The following GPC5 variants were observed in gnomAD, a reference collection of about 807,000 sequenced individuals.
The protein encoded by GPC5 is glypican-5.
Under a neutral mutation model 53.9 loss-of-function variants are expected in GPC5, and 47 were observed. That is an observed-to-expected ratio of 0.87 (90% confidence interval 0.69 to 1.11). GPC5 has a LOEUF of 1.11. Among genes scored for constraint, GPC5 ranks in the 50% most tolerant of loss-of-function variants. GPC5 has a pLI of 0.00. For missense variants in GPC5, 748 were observed against 713.1 expected, an observed-to-expected ratio of 1.05 and a Z score of -0.56; for synonymous variants, 286 against 263.3, an observed-to-expected ratio of 1.09 and a Z score of -0.84.
chr13:92,530,570 G>C (rs1396582803), intron 7 of GPC5, among the ~76,000 whole-genome samples: 2 of 152,112 alleles, frequency 1.3e-5, no homozygotes, highest in African/African-American at 2.4e-5. Flanking sequence ...CTTCAGACAA[G>C]TACACAGAAG....
chr13:92,124,623 A>G (rs1390273365), intron 6 of GPC5, among the ~76,000 whole-genome samples: 1 of 152,216 alleles, frequency 6.6e-6, no homozygotes, highest in African/African-American at 2.4e-5. Context: ...TGTGTTCTGC[A>G]GAGTCAGACT....
chr13:91,982,046 A>G (rs2040364630), intron 6 of GPC5, among the ~76,000 whole-genome samples: 1 of 152,194 alleles, frequency 6.6e-6, no homozygotes, highest in Admixed American at 6.5e-5. Context: ...AGTAGTAGAT[A>G]CGTAATCCAA....
At chr13:91,770,627 G>A (rs1435743028) in intron 5 of GPC5, among the ~76,000 whole-genome samples, 2 of 151,860 alleles carry the variant, frequency 1.3e-5, no homozygotes, top group East Asian at 1.9e-4. Context: ...TGGGGTCAAG[G>A]ACCAAATATT....
At chr13:91,774,451 G>A (rs1247121567) in intron 5 of GPC5, among the ~76,000 whole-genome samples, 2 of 152,146 alleles carry the variant, frequency 1.3e-5, no homozygotes, top group African/African-American at 4.8e-5. Context: ...AATTTCTGCT[G>A]CCTTGGAGAT....
At chr13:92,212,246 C>T (rs2042380649) in intron 7 of GPC5, among the ~76,000 whole-genome samples, 1 of 152,052 alleles carries the variant, frequency 6.6e-6, no homozygotes, top group Non-Finnish European at 1.5e-5. Context: ...TCTAGCTATG[C>T]AAACTGAGAC....
At chr13:91,461,959 A>G (rs752485349) in intron 2 of GPC5, among the ~76,000 whole-genome samples, 1 of 152,140 alleles carries the variant, frequency 6.6e-6, no homozygotes, top group Non-Finnish European at 1.5e-5. Flanking sequence ...CAATTATTTG[A>G]TGAACAATAA....
chr13:91,426,022 T>C (rs183180939), intron 1 of GPC5, among the ~76,000 whole-genome samples: 362 of 152,268 alleles, frequency 2.4e-3, no homozygotes, highest in Non-Finnish European at 4.1e-3. Flanking sequence ...TCTGTGGAAC[T>C]TTGAACTTGA....
chr13:92,342,743 C>A (rs937516315), intron 7 of GPC5, among the ~76,000 whole-genome samples: 1 of 151,946 alleles, frequency 6.6e-6, no homozygotes, highest in Non-Finnish European at 1.5e-5. Context: ...TAATTCCATC[C>A]TCTGGATTAA....
At chr13:92,589,563 G>A (rs1439322874) in intron 7 of GPC5, among the ~76,000 whole-genome samples, 6 of 152,124 alleles carry the variant, frequency 3.9e-5, no homozygotes, top group African/African-American at 1.4e-4. Flanking sequence ...AATTGTTAGT[G>A]AGCAGAAGAA....
intron 7 of GPC5, among the ~76,000 whole-genome samples, chr13:92,485,338 T>C (rs559640706): frequency 6.6e-6 from 1 of 152,302 alleles, no homozygotes; most frequent in Admixed American, 6.5e-5. Context: ...TAAACAAATA[T>C]TTTTGGGTGC....
intron 2 of GPC5, among the ~76,000 whole-genome samples, chr13:91,555,630 G>T (rs2030901899): frequency 6.6e-6 from 1 of 151,980 alleles, no homozygotes. Flanking sequence ...AGCTGTATTA[G>T]TCTGTACTCA....
At chr13:92,291,457 T>C (rs899346266) in intron 7 of GPC5, among the ~76,000 whole-genome samples, 3 of 152,076 alleles carry the variant, frequency 2.0e-5, no homozygotes, top group Non-Finnish European at 4.4e-5. Flanking sequence ...CAATCGACAC[T>C]GTATCTAGCT....
chr13:91,880,991 A>C (rs2039257964), intron 5 of GPC5, among the ~76,000 whole-genome samples: 1 of 152,088 alleles, frequency 6.6e-6, no homozygotes, highest in African/African-American at 2.4e-5. Context: ...GGGTTTTGAC[A>C]TGTTGGCAAG....
At chr13:92,719,400 A>C (rs1888437742) in intron 7 of GPC5, among the ~76,000 whole-genome samples, 2 of 152,130 alleles carry the variant, frequency 1.3e-5, no homozygotes, top group African/African-American at 4.8e-5. Context: ...TGGGCGTTTT[A>C]TATTTTTCTC....
chr13:91,679,197 T>G (rs974879775), intron 2 of GPC5, among the ~76,000 whole-genome samples: 2 of 143,734 alleles, frequency 1.4e-5, no homozygotes, highest in Non-Finnish European at 3.0e-5. Flanking sequence ...TTATTTATTA[T>G]ACTTTAAGTT....
chr13:92,763,753 C>CA (rs1235402732), intron 7 of GPC5, among the ~76,000 whole-genome samples: 1 of 151,978 alleles, frequency 6.6e-6, no homozygotes, highest in Non-Finnish European at 1.5e-5. Context: ...AGTAGGGGCC[C>CA]AAAAAATGGG....
intron 2 of GPC5, among the ~76,000 whole-genome samples, chr13:91,573,823 GAGTA>G (rs905689341): frequency 1.3e-5 from 2 of 152,140 alleles, no homozygotes; most frequent in Non-Finnish European, 2.9e-5. Flanking sequence ...TCTGATAAGA[GAGTA>G]AGTGCTTCAA....
At chr13:92,488,037 T>C (rs1005153007) in intron 7 of GPC5, among the ~76,000 whole-genome samples, 3 of 151,986 alleles carry the variant, frequency 2.0e-5, no homozygotes, top group Non-Finnish European at 4.4e-5. Context: ...ACTTATAATA[T>C]TTGCTCTTTT....
chr13:92,749,644 C>T (rs1423954161), intron 7 of GPC5, among the ~76,000 whole-genome samples: 2 of 151,982 alleles, frequency 1.3e-5, no homozygotes, highest in African/African-American at 4.8e-5. Flanking sequence ...GCTTCTGTTG[C>T]CTGACACATG....
Sources: allele counts gnomAD v4.1 joint callset (sites outside exome capture counted in the v4.1 genomes callset), GRCh38; gene constraint gnomAD v4.1.1; transcripts MANE v1.5; gene names NCBI Gene and HGNC (gene_info 2026-07-23, HGNC 2026-07-21).